The following CALN1 variants were observed in gnomAD, a reference collection of about 807,000 sequenced individuals.
CALN1 encodes the protein calneuron 1.
A neutral mutation model predicts 30.6 loss-of-function variants in CALN1; 17 were observed. The ratio of observed to expected loss-of-function variants is 0.56; its 90% CI spans 0.38 to 0.83. The LOEUF (loss-of-function observed/expected upper bound fraction) is 0.83, where lower values mean the gene tolerates loss of function less well. Among genes scored for constraint, CALN1 ranks in the 40% least tolerant of loss-of-function variants. CALN1 has a pLI of 0.00. For synonymous variants in CALN1, 156 were observed against 131.4 expected (o/e 1.19, Z -1.28); for missense variants, 291 against 354.9 (o/e 0.82, Z 1.45).
At chr7:71,959,378 T>A (rs1191042715) in intron 5 of CALN1, among the ~76,000 whole-genome samples, 1 of 152,206 alleles carries the variant, frequency 6.6e-6, no homozygotes. Flanking sequence ...CCAGACTTGG[T>A]TGTTTTTATA....
intron 2 of CALN1, among the ~76,000 whole-genome samples, chr7:72,298,551 C>T (rs1799026381): frequency 6.6e-6 from 1 of 152,132 alleles, no homozygotes; most frequent in African/African-American, 2.4e-5. Flanking sequence ...GTTAGATCAG[C>T]ATGATCAAAA....
At chr7:71,850,724 A>C (rs564953563) in intron 5 of CALN1, among the ~76,000 whole-genome samples, 1 of 152,326 alleles carries the variant, frequency 6.6e-6, no homozygotes, top group South Asian at 2.1e-4. Flanking sequence ...TAATGAGGTG[A>C]AAGCACACAG....
intron 2 of CALN1, among the ~76,000 whole-genome samples, chr7:72,284,053 G>C (rs1041733961): frequency 6.6e-6 from 1 of 152,200 alleles, no homozygotes; most frequent in African/African-American, 2.4e-5. Context: ...CATTTTGGGA[G>C]GCTGATGCTG....
chr7:72,041,943 C>A (rs1169708946), intron 4 of CALN1, among the ~76,000 whole-genome samples: 1 of 152,170 alleles, frequency 6.6e-6, no homozygotes, highest in Admixed American at 6.5e-5. Flanking sequence ...CCATGTGGAA[C>A]TATGAGTCCA....
chr7:71,908,342 A>T (rs1196842647), intron 5 of CALN1, among the ~76,000 whole-genome samples: 1 of 152,096 alleles, frequency 6.6e-6, no homozygotes, highest in Non-Finnish European at 1.5e-5. Flanking sequence ...ATTTGGAATT[A>T]TTTTTCTTCC....
chr7:72,439,859 G>A (rs919318257), intron 1 of CALN1, among the ~76,000 whole-genome samples: 5 of 152,156 alleles, frequency 3.3e-5, no homozygotes, highest in African/African-American at 7.2e-5. Context: ...TTACAGGCGT[G>A]AGCCACTGTG....
chr7:72,256,009 T>A (rs1442721179), intron 3 of CALN1, among the ~76,000 whole-genome samples: 1 of 152,244 alleles, frequency 6.6e-6, no homozygotes, highest in African/African-American at 2.4e-5. Context: ...ATTACAGGCG[T>A]GAGCCACCGC....
intron 2 of CALN1, among the ~76,000 whole-genome samples, chr7:72,377,047 T>G (rs1804602024): frequency 6.6e-6 from 1 of 152,216 alleles, no homozygotes; most frequent in Admixed American, 6.5e-5. Context: ...CCATGGCATA[T>G]ATTTTTATAC....
At chr7:72,229,880 T>A (rs533993405) in intron 3 of CALN1, among the ~76,000 whole-genome samples, 15 of 151,780 alleles carry the variant, frequency 9.9e-5, no homozygotes, top group Non-Finnish European at 1.8e-4. Flanking sequence ...CAGTGGCTCA[T>A]ACCTGTAATC....
At chr7:72,475,998 G>C in the CALN1 span, among the ~76,000 whole-genome samples, 1,068 of 141,568 alleles carry the variant, frequency 7.5e-3, 10 homozygotes, top group African/African-American at 0.026. Flanking sequence ...ACCCAGGCTG[G>C]AGTGCAGTGG....
intron 2 of CALN1, among the ~76,000 whole-genome samples, chr7:72,395,591 G>C (rs1805878657): frequency 6.6e-6 from 1 of 152,170 alleles, no homozygotes. Context: ...TCATTCATCT[G>C]TAACAGGCTG....
intron 3 of CALN1, among the ~76,000 whole-genome samples, chr7:72,250,389 A>G (rs1795473101): frequency 6.6e-6 from 1 of 152,162 alleles, no homozygotes; most frequent in Non-Finnish European, 1.5e-5. Context: ...ACAGCATAGG[A>G]CCTGGCAGAG....
At chr7:72,442,484 C>T (rs1777675049) in intron 1 of CALN1, among the ~76,000 whole-genome samples, 1 of 152,088 alleles carries the variant, frequency 6.6e-6, no homozygotes, top group African/African-American at 2.4e-5. Context: ...TTTAGGATTG[C>T]ACTTTATTAA....
intron 5 of CALN1, among the ~76,000 whole-genome samples, chr7:72,021,038 A>C (rs1800674265): frequency 6.6e-6 from 1 of 152,172 alleles, no homozygotes; most frequent in South Asian, 2.1e-4. Context: ...TAGGAGGCCA[A>C]GGCAGGAAGA....
intron 3 of CALN1, among the ~76,000 whole-genome samples, chr7:72,134,490 T>C (rs1269704178): frequency 6.6e-6 from 1 of 152,244 alleles, no homozygotes; most frequent in Non-Finnish European, 1.5e-5. Context: ...GTCACACCAA[T>C]TTCTTGGTTT....
intron 3 of CALN1, among the ~76,000 whole-genome samples, chr7:72,119,951 A>C (rs2107730): frequency 6.6e-6 from 1 of 152,134 alleles, no homozygotes; most frequent in Non-Finnish European, 1.5e-5. Context: ...TAGTTTTTTA[A>C]AAGTAATTTC....
intron 2 of CALN1, among the ~76,000 whole-genome samples, chr7:72,280,573 AAAGG>A (rs1035870629): frequency 2.6e-5 from 4 of 152,216 alleles, no homozygotes; most frequent in Admixed American, 2.6e-4. Context: ...AAAAGCTTTA[AAAGG>A]AAGAATCGCA....
At position 72,045,115 on chromosome 7, in the gene CALN1, T is replaced by C. The variant is rs76092433; in HGVS notation, c.389-21346A>G. ...TCACAGCGGTCCTAGAAGCTGAAGA[T>C]AGTCATCCATTTGAATGAATCTGGG... On this transcript the variant is annotated intron_variant, in intron 4 of 6. Coordinates refer to ENST00000395275, the MANE Select transcript of CALN1 (RefSeq NM_031468.4). Among the ~76,000 whole-genome samples, 42 of 152,334 alleles carry C rather than the reference T, an allele frequency of 2.8e-4. No individual in the cohort carries two copies. In the East Asian group the frequency reaches 3.8e-3, roughly 14 times the overall value.
upstream of CALN1, chr7:72,412,518 A>G (rs1449645661): frequency 3.9e-5 from 6 of 152,098 alleles, no homozygotes; most frequent in Non-Finnish European, 7.3e-5. Context: ...ACAATCCTCT[A>G]GCTAGACACA....
Sources: gnomAD v4.1 joint callset for allele counts (sites outside exome capture counted in the v4.1 genomes callset) on GRCh38, gnomAD v4.1.1 for gene constraint, MANE v1.5 for transcripts, NCBI Gene and HGNC (gene_info 2026-07-23, HGNC 2026-07-21) for gene names.